NRG1: variants seen among roughly 807,000 people sequenced by gnomAD.
NRG1 encodes the protein neuregulin 1.
In NRG1, 18 loss-of-function variants were observed where a neutral mutation model predicts 63.8. The observed-to-expected ratio is 0.28, with a 90% CI of 0.19 to 0.42. NRG1 has a LOEUF of 0.42. Ranked by LOEUF, NRG1 falls within the 10% of genes least tolerant of loss-of-function variation. The pLI, the probability that NRG1 is intolerant of heterozygous loss-of-function variation, is 1.00. For synonymous variants in NRG1, 302 were observed against 301.3 expected (o/e 1.00, Z -0.02); for missense variants, 762 against 814.7 (o/e 0.94, Z 0.79).
intron 11 of NRG1, chr8:32,761,018 A>G (rs1045283699): frequency 2.0e-6 from 2 of 984,408 alleles, no homozygotes; most frequent in Admixed American, 1.2e-4. Flanking sequence ...GGTGGTTTTC[A>G]AAGCAGATAC....
intron 5 of NRG1, among the ~76,000 whole-genome samples, chr8:32,679,690 T>C (rs936565443): frequency 6.6e-6 from 1 of 152,220 alleles, no homozygotes; most frequent in Non-Finnish European, 1.5e-5. Context: ...GTCATGTCAG[T>C]GAAAATGGCT....
intron 1 of NRG1, among the ~76,000 whole-genome samples, chr8:32,100,729 C>T (rs1307091026): frequency 6.6e-6 from 1 of 152,150 alleles, no homozygotes; most frequent in East Asian, 1.9e-4. Context: ...GACGGGAGAA[C>T]AAAGGAACCT....
intron 1 of NRG1, among the ~76,000 whole-genome samples, chr8:32,466,313 T>G (rs1425009116): frequency 1.3e-5 from 2 of 148,882 alleles, no homozygotes; most frequent in African/African-American, 2.5e-5. Flanking sequence ...AGTGACAGAG[T>G]GAGACCCTAT....
At chr8:31,709,788 TG>T (rs1310718731) in intron 1 of NRG1, among the ~76,000 whole-genome samples, 1 of 151,882 alleles carries the variant, frequency 6.6e-6, no homozygotes, top group Non-Finnish European at 1.5e-5. Context: ...TTTGTTTTTG[TG>T]GCTTTTTAAA....
chr8:31,742,622 A>G (rs1227512411), intron 1 of NRG1, among the ~76,000 whole-genome samples: 1 of 151,630 alleles, frequency 6.6e-6, no homozygotes, highest in African/African-American at 2.4e-5. Context: ...GCTAGATAAC[A>G]CTCCTCCAGA....
At chr8:31,808,709 T>G (rs1034917601) in intron 1 of NRG1, among the ~76,000 whole-genome samples, 1 of 152,102 alleles carries the variant, frequency 6.6e-6, no homozygotes, top group African/African-American at 2.4e-5. Flanking sequence ...AGTACTAATA[T>G]CTTGTCTTGA....
At chr8:32,484,946 C>G (rs1825733109) in intron 1 of NRG1, among the ~76,000 whole-genome samples, 1 of 152,168 alleles carries the variant, frequency 6.6e-6, no homozygotes, top group East Asian at 1.9e-4. Flanking sequence ...GCGTAGTGAA[C>G]ATACACCACG....
exon 12 of NRG1, chr8:32,766,711 AAG>A (rs1363142576): frequency 1.2e-4 from 18 of 152,198 alleles, no homozygotes; most frequent in African/African-American, 4.1e-4. Flanking sequence ...ATGAAAATTG[AAG>A]ACAAGAGGAA....
intron 1 of NRG1, among the ~76,000 whole-genome samples, chr8:31,774,805 T>A (rs1818960666): frequency 6.6e-6 from 1 of 152,158 alleles, no homozygotes. Context: ...AAAGAAGATA[T>A]GCAAGTTGTC....
chr8:32,383,412 A>T (rs1033204572), intron 1 of NRG1, among the ~76,000 whole-genome samples: 2 of 152,206 alleles, frequency 1.3e-5, no homozygotes, highest in African/African-American at 4.8e-5. Context: ...CATTGAGGGT[A>T]GCCACCAGAG....
intron 1 of NRG1, among the ~76,000 whole-genome samples, chr8:31,675,008 G>A (rs552173718): frequency 6.6e-5 from 10 of 152,282 alleles, no homozygotes; most frequent in African/African-American, 2.2e-4. Flanking sequence ...AGAGTAAGAT[G>A]TCAGGACAGC....
At position 32,023,118 on chromosome 8, in the gene NRG1, C is replaced by A. The variant is rs567172613; in HGVS notation, c.37+383687C>A. Among the ~76,000 whole-genome samples the A allele has an allele frequency of 4.0e-4, 61 of 152,274 alleles. No individual in the cohort carries two copies. The South Asian group carries it at 0.012, about 30-fold the overall frequency. ...CAAGTGATTTGGATATTTACCTGCA[C>A]CCCATCTCAGGGAATCATTAGAGCT... On this transcript the variant is annotated intron_variant, in intron 1 of 10. Coordinates refer to the NRG1 transcript ENST00000519301.
At chr8:32,250,812 G>A (rs746607663) in intron 1 of NRG1, among the ~76,000 whole-genome samples, 18 of 151,806 alleles carry the variant, frequency 1.2e-4, no homozygotes, top group Admixed American at 1.3e-4. Flanking sequence ...GCCATGTTTC[G>A]GTGATGATAT....
chr8:31,899,492 A>T (rs1475867400), intron 1 of NRG1, among the ~76,000 whole-genome samples: 1 of 152,180 alleles, frequency 6.6e-6, no homozygotes, highest in African/African-American at 2.4e-5. Flanking sequence ...GTTAGGGTAC[A>T]GGGTAGTCAT....
rs1827932510 is a variant in NRG1, at chr8:32,748,352, C to CAGAG, written c.691+5620_691+5621insGAGA. Among the ~76,000 whole-genome samples the CAGAG allele has an allele frequency of 6.0e-5, 6 of 100,052 alleles. No individual in the cohort carries two copies. In the South Asian group the frequency reaches 2.4e-3, roughly 41 times the overall value. The allele number at this position is 100,052 out of a possible 152,430, so 65.6% of individuals were successfully genotyped here. ...ACGCGCGCGCGCGCACACACACACA[C>CAGAG]ACACACAGAGAGAGAGAGAGAGAGA... On this transcript the variant is annotated intron_variant, in intron 7 of 11. Transcript: ENST00000356819.
chr8:31,832,836 T>C (rs1825300621), intron 1 of NRG1, among the ~76,000 whole-genome samples: 1 of 152,174 alleles, frequency 6.6e-6, no homozygotes, highest in Admixed American at 6.5e-5. Flanking sequence ...CCAAATTATA[T>C]AGTAGTTTCT....
chr8:31,950,702 G>C lies in NRG1; in HGVS notation c.37+311271G>C, dbSNP rs969336568. Among the ~76,000 whole-genome samples the C allele has an allele frequency of 2.6e-5, 4 of 152,140 alleles. No individual in the cohort carries two copies. The South Asian group carries it at 8.3e-4, about 32-fold the overall frequency. On this transcript the variant is annotated intron_variant, in intron 1 of 10. Transcript: ENST00000519301. ...AACTGAGATTAATCTCTATCATCCT[G>C]TGTAAGCTAAACCCTAAATTACATA...
chr8:32,310,043 G>T (rs566947190), intron 1 of NRG1, among the ~76,000 whole-genome samples: 1 of 152,338 alleles, frequency 6.6e-6, no homozygotes, highest in East Asian at 1.9e-4. Flanking sequence ...CGTGGCAGAG[G>T]TGGGCTGCCA....
At chr8:32,175,640 G>A (rs1840634225) in intron 1 of NRG1, among the ~76,000 whole-genome samples, 1 of 152,082 alleles carries the variant, frequency 6.6e-6, no homozygotes, top group East Asian at 1.9e-4. Context: ...AAAGTCTCAG[G>A]ATACAAAATC....
Sources: allele counts gnomAD v4.1 joint callset (sites outside exome capture counted in the v4.1 genomes callset), GRCh38; gene constraint gnomAD v4.1.1; transcripts MANE v1.5; gene names NCBI Gene and HGNC (gene_info 2026-07-23, HGNC 2026-07-21).